The following ZC3H7A variants were observed in gnomAD, a reference collection of about 807,000 sequenced individuals.
The protein encoded by ZC3H7A is zinc finger CCCH domain-containing protein 7A.
A neutral mutation model predicts 125.5 loss-of-function variants in ZC3H7A; 44 were observed. That is an observed-to-expected ratio of 0.35 (90% CI 0.28 to 0.45). The LOEUF (loss-of-function observed/expected upper bound fraction) is 0.45. Among genes scored for constraint, ZC3H7A ranks in the 20% least tolerant of loss-of-function variants. The probability of loss-of-function intolerance (pLI) is 1.00; values close to 1 mark genes in which losing one functional copy is unlikely to be tolerated. For missense variants in ZC3H7A, 977 were observed against 1,170.7 expected, an observed-to-expected ratio of 0.83 and a Z score of 2.41; for synonymous variants, 399 against 391.2, an observed-to-expected ratio of 1.02 and a Z score of -0.23.
At chr16:11,769,309 AC>A (rs1826786577) in intron 10 of ZC3H7A, among the ~76,000 whole-genome samples, 1 of 152,138 alleles carries the variant, frequency 6.6e-6, no homozygotes, top group Admixed American at 6.5e-5. Context: ...TTAAATAAAA[AC>A]CTACTTCCAG....
At chr16:11,767,959 C>T (rs1033956263) in intron 12 of ZC3H7A, among the ~76,000 whole-genome samples, 13 of 152,136 alleles carry the variant, frequency 8.5e-5, no homozygotes, top group Admixed American at 7.2e-4. Flanking sequence ...GTATTGTATA[C>T]TGGTCTTATA....
At chr16:11,767,637 G>T in intron 12 of ZC3H7A, 59 bp from the exon 13 acceptor site, 1 of 1,450,024 alleles carries the variant, frequency 6.9e-7, no homozygotes, top group Non-Finnish European at 9.2e-7. Flanking sequence ...TCATTTTACA[G>T]GTAAATTTAC....
At chr16:11,759,550 T>TA (rs1360937894) in intron 19 of ZC3H7A, 2 of 152,208 alleles carry the variant, frequency 1.3e-5, no homozygotes, top group Non-Finnish European at 2.9e-5. Context: ...AGTAAGTACT[T>TA]AGTCATATTA....
At chr16:11,778,878 TA>T (rs2053128137) in intron 4 of ZC3H7A, among the ~76,000 whole-genome samples, 1 of 152,130 alleles carries the variant, frequency 6.6e-6, no homozygotes, top group African/African-American at 2.4e-5. Flanking sequence ...CATGCCCAGT[TA>T]ATTTTTTTAT....
At chr16:11,759,834 C>T (rs1062210) in intron 19 of ZC3H7A, 90,603 of 152,160 alleles carry the variant, frequency 0.6, 28,155 homozygotes, top group East Asian at 0.84. Flanking sequence ...GGTCCCGGGC[C>T]GGGCACGGTG....
Position 11,764,988 on chromosome 16 carries a change from T to A in ZC3H7A, c.1820+65A>T, listed in dbSNP as rs921156260. On this transcript the variant is annotated intron_variant, in intron 15 of 22. Coordinates refer to ENST00000355758, the MANE Select transcript of ZC3H7A (RefSeq NM_014153.4). ...ATGCCTGGACAGACATTACTACTAG[T>A]TTTTATTCAGATCTAGAAAAAGAAT... 4 of 1,173,458 alleles carry A rather than the reference T, an allele frequency of 3.4e-6. No homozygotes were observed. The African/African-American group carries it at 6.4e-5, about 19-fold the overall frequency. 72.7% of individuals were successfully genotyped at this position (1,173,458 alleles called of 1,614,324 possible).
intron 16 of ZC3H7A, 104 bp downstream of exon 16, chr16:11,763,374 A>G: frequency 8.6e-7 from 1 of 1,163,296 alleles, no homozygotes; most frequent in Non-Finnish European, 1.2e-6. Context: ...CTCCCAAAGT[A>G]GTGGGATTAC....
intron 1 of ZC3H7A, among the ~76,000 whole-genome samples, chr16:11,783,725 T>C (rs760715224): frequency 7.9e-5 from 12 of 152,232 alleles, no homozygotes; most frequent in Non-Finnish European, 8.8e-5. Flanking sequence ...TGAAGTACAT[T>C]GCTGAAATTT....
chr16:11,796,248 C>T (rs759150729), intron 1 of ZC3H7A: 2 of 152,174 alleles, frequency 1.3e-5, no homozygotes, highest in African/African-American at 4.8e-5. Flanking sequence ...CTTTCTCATC[C>T]GAAGTTTTTA....
chr16:11,786,485 G>A (rs993878151), intron 1 of ZC3H7A, among the ~76,000 whole-genome samples: 52 of 152,268 alleles, frequency 3.4e-4, no homozygotes, highest in African/African-American at 1.2e-3. Context: ...CAAGTTTATA[G>A]CCTTAAAGCT....
intron 4 of ZC3H7A, among the ~76,000 whole-genome samples, chr16:11,778,950 G>A (rs1214352903): frequency 6.6e-6 from 1 of 152,076 alleles, no homozygotes; most frequent in African/African-American, 2.4e-5. Flanking sequence ...CTAACCTCAT[G>A]ATCCACCCAC....
chr16:11,786,571 C>T lies in ZC3H7A; in HGVS notation c.-34-4183G>A, dbSNP rs529231898. ...AAGGCGTGTGGCAAAGAGCTGACAC[C>T]ACAAGTAAGTGATTGAAAGGAAACG... On this transcript the variant is annotated intron_variant, in intron 1 of 22. Transcript: ENST00000355758. Among the ~76,000 whole-genome samples, 7 of 152,236 alleles carry T rather than the reference C, an allele frequency of 4.6e-5. No individual in the cohort carries two copies. In the East Asian group the frequency reaches 1.4e-3, roughly 29 times the overall value.
At chr16:11,776,990 A>G (rs1158085366) in intron 4 of ZC3H7A, 81 bp from the exon 5 acceptor site, 1 of 1,197,196 alleles carries the variant, frequency 8.4e-7, no homozygotes, top group Non-Finnish European at 1.1e-6. Context: ...ATAAAAACAA[A>G]TTAATACCCC....
In ZC3H7A at chr16:11,758,555, G is replaced by A; in HGVS notation, c.2320-16C>T. 1 of 1,588,658 alleles carries A rather than the reference G, an allele frequency of 6.3e-7. No individual in the cohort carries two copies. Among genetic ancestry groups the A allele is most frequent in the Non-Finnish European group, 8.6e-7 (1 of 1,159,056 alleles). ...GGTTGCACAGCTGTATAAAAAAATA[G>A]GAATATGATTAAGACAAAGTACACC... On this transcript the variant is annotated splice_polypyrimidine_tract_variant and intron_variant, in intron 19 of 22. Coordinates refer to ENST00000355758, the MANE Select transcript of ZC3H7A (RefSeq NM_014153.4).
chr16:11,767,423 A>C lies in ZC3H7A; in HGVS notation c.1516T>G (p.Cys506Gly), dbSNP rs1440389291. Residue 506 changes from cysteine (C) to glycine (G), a missense_variant, in exon 13 of 23, where the codon TGT (cysteine) becomes GGT (glycine). By Grantham distance (159) the Cys-to-Gly change is radical. Coordinates refer to ENST00000355758, the MANE Select transcript of ZC3H7A (RefSeq NM_014153.4). ...AAGTAATTACAGTACATACCTTTACATATATAATATGGTCCTTCATAATTT... is the reference window on the plus strand; with the variant it reads ...AAGTAATTACAGTACATACCTTTACCTATATAATATGGTCCTTCATAATTT... ...KTNYEGPYYI[C>G]KDVAAEEECR... is the part of the protein sequence containing the mutation. 6.3e-7 allele frequency: 1 copy of C among 1,577,172 alleles called. No homozygotes were observed. The highest frequency in any genetic ancestry group is 1.1e-5 in the South Asian group (1 of 88,942).
intron 13 of ZC3H7A, among the ~76,000 whole-genome samples, chr16:11,766,392 C>G (rs1185308143): frequency 6.6e-6 from 1 of 152,096 alleles, no homozygotes; most frequent in African/African-American, 2.4e-5. Context: ...TGAAGAAACC[C>G]ATCTCTACTA....
intron 21 of ZC3H7A, among the ~76,000 whole-genome samples, chr16:11,755,037 G>A (rs1364864331): frequency 2.0e-5 from 3 of 150,926 alleles, no homozygotes; most frequent in Non-Finnish European, 3.0e-5. Flanking sequence ...GTGAAACCCC[G>A]TCTCTACCAA....
rs180825613 is a variant in ZC3H7A at position 11,779,375 on chromosome 16, A to G, written c.109-12T>C. 2.5e-6 allele frequency: 4 copies of G among 1,603,776 alleles called. No individual in the cohort carries two copies. The highest frequency in any genetic ancestry group is 1.7e-6 in the Non-Finnish European group (2 of 1,177,034). On this transcript the variant is annotated splice_polypyrimidine_tract_variant and intron_variant, in intron 3 of 22. Transcript: ENST00000355758. ...GCACGCAAATATACCTAAAAAAAAG[A>G]AAGTTACCACTTGAAGCCTTTTATC...
chr16:11,778,373 G>GT (rs1477571946), intron 4 of ZC3H7A, among the ~76,000 whole-genome samples: 1 of 149,402 alleles, frequency 6.7e-6, no homozygotes, highest in African/African-American at 2.5e-5. Flanking sequence ...GGAGGCGGAG[G>GT]TTGCAGTGAG....
Sources: gnomAD v4.1 joint callset for allele counts (sites outside exome capture counted in the v4.1 genomes callset) on GRCh38, gnomAD v4.1.1 for gene constraint, MANE v1.5 for transcripts, NCBI Gene and HGNC (gene_info 2026-07-23, HGNC 2026-07-21) for gene names.